The following FMNL2 variants were observed in gnomAD, a reference collection of about 807,000 sequenced individuals.
The protein encoded by FMNL2 is formin-like protein 2.
In FMNL2, 51 loss-of-function variants were observed where a neutral mutation model predicts 130.2. The ratio of observed to expected loss-of-function variants is 0.39; its 90% CI spans 0.31 to 0.49. FMNL2 has a LOEUF of 0.49. Among genes scored for constraint, FMNL2 ranks in the 20% least tolerant of loss-of-function variants. The probability of loss-of-function intolerance (pLI) is 0.85; values close to 1 mark genes in which losing one functional copy is unlikely to be tolerated. For synonymous variants in FMNL2, 465 were observed against 467.1 expected (o/e 1.00, Z 0.06); for missense variants, 977 against 1,316.2 (o/e 0.74, Z 3.99).
chr2:152,473,946 C>G (rs1689993617), intron 1 of FMNL2, among the ~76,000 whole-genome samples: 1 of 152,208 alleles, frequency 6.6e-6, no homozygotes, highest in African/African-American at 2.4e-5. Flanking sequence ...GCAATCTTGG[C>G]TCACTGCAAC....
chr2:152,646,006 C>T (rs1016011451), intron 25 of FMNL2, among the ~76,000 whole-genome samples: 5 of 152,066 alleles, frequency 3.3e-5, no homozygotes, highest in African/African-American at 1.2e-4. Flanking sequence ...TTGGGGTATG[C>T]AAAACTATTT....
At chr2:152,629,965 A>G (rs1395557759) in intron 20 of FMNL2, 60 bp downstream of exon 20, 1 of 1,466,718 alleles carries the variant, frequency 6.8e-7, no homozygotes, top group Non-Finnish European at 9.3e-7. Flanking sequence ...GCAGAGATGA[A>G]GTTAGGGTGG....
Position 152,629,916 on chromosome 2 carries a change from TAAAAG to T in FMNL2, c.2550+15_2550+19del. ...CAGAGTTTAGATCTGGTGAGTGGACTAAAAGAAATTTGAGAGCTGTTTGAAGGACA... is the reference window on the plus strand; with the variant it reads ...CAGAGTTTAGATCTGGTGAGTGGACTAAATTTGAGAGCTGTTTGAAGGACA... On this transcript the variant is annotated intron_variant, in intron 20 of 25. Coordinates refer to ENST00000288670, the MANE Select transcript of FMNL2 (RefSeq NM_052905.4). The T allele has an allele frequency of 6.3e-7, 1 of 1,595,614 alleles. No individual in the cohort carries two copies. The highest frequency in any genetic ancestry group is 1.7e-4 in the Middle Eastern group (1 of 6,036).
At chr2:152,586,480 A>G (rs1183151164) in intron 9 of FMNL2, among the ~76,000 whole-genome samples, 1 of 152,174 alleles carries the variant, frequency 6.6e-6, no homozygotes, top group Non-Finnish European at 1.5e-5. Flanking sequence ...CATCCCTCTG[A>G]GTTTAATCCC....
rs1698355526 is a variant in FMNL2, at chr2:152,606,383, G to A, written c.877-956G>A. On this transcript the variant is annotated intron_variant, in intron 9 of 25. Transcript: ENST00000288670. ...ACTTTGCCCCAAAAAAGTCAACCAA[G>A]GACATTGACAGAATTAAAGTTTGTC... Among the ~76,000 whole-genome samples the A allele has an allele frequency of 2.0e-5, 3 of 152,282 alleles. No individual in the cohort carries two copies. The South Asian group carries it at 6.2e-4, about 32-fold the overall frequency.
At chr2:152,358,794 G>GT (rs1266891456) in intron 1 of FMNL2, among the ~76,000 whole-genome samples, 1 of 152,148 alleles carries the variant, frequency 6.6e-6, no homozygotes, top group Non-Finnish European at 1.5e-5. Context: ...GTTATTACAA[G>GT]TAACGTTACA....
intron 1 of FMNL2, among the ~76,000 whole-genome samples, chr2:152,446,546 G>A (rs1442889124): frequency 2.6e-5 from 4 of 152,136 alleles, no homozygotes; most frequent in Non-Finnish European, 4.4e-5. Context: ...CATGCTCTTA[G>A]AGAAACTAAA....
At chr2:152,433,004 A>G (rs994467101) in intron 1 of FMNL2, among the ~76,000 whole-genome samples, 6 of 152,222 alleles carry the variant, frequency 3.9e-5, no homozygotes, top group South Asian at 2.1e-4. Context: ...CCTCTGCTCT[A>G]TACTAGCAGC....
intron 1 of FMNL2, among the ~76,000 whole-genome samples, chr2:152,484,780 G>C (rs1313981867): frequency 3.3e-5 from 5 of 151,868 alleles, no homozygotes; most frequent in Non-Finnish European, 7.4e-5. Context: ...AAAATGAAAA[G>C]AGAGCTATCA....
intron 25 of FMNL2, among the ~76,000 whole-genome samples, chr2:152,642,499 A>G (rs116811870): frequency 1.0e-3 from 155 of 152,338 alleles, no homozygotes; most frequent in African/African-American, 3.3e-3. Context: ...AAATGTGCCT[A>G]TTGGTATCTC....
At chr2:152,349,964 G>A (rs1682380783) in intron 1 of FMNL2, among the ~76,000 whole-genome samples, 1 of 152,204 alleles carries the variant, frequency 6.6e-6, no homozygotes. Context: ...CTGTACTGAG[G>A]TGGGATCGAT....
intron 25 of FMNL2, chr2:152,643,442 G>A (rs1328274656): frequency 6.5e-7 from 1 of 1,536,054 alleles, no homozygotes; most frequent in Non-Finnish European, 8.7e-7. Context: ...GCCCTTTACT[G>A]CTCGCACCGC....
At chr2:152,598,417 G>T (rs755509160) in intron 9 of FMNL2, among the ~76,000 whole-genome samples, 1 of 152,120 alleles carries the variant, frequency 6.6e-6, no homozygotes, top group African/African-American at 2.4e-5. Flanking sequence ...GGCTGGGTGC[G>T]GTGGCTCATG....
rs1196869492 is a variant in FMNL2 at position 152,431,365 on chromosome 2, C to T, written c.118-90578C>T. On this transcript the variant is annotated intron_variant, in intron 1 of 25. Coordinates refer to ENST00000288670, the MANE Select transcript of FMNL2 (RefSeq NM_052905.4). ...GATTATTTATCAATGTCTTAGTAACCAAAAGTTTAAAATGTGTTTTGTTTA... is the reference window on the plus strand; with the variant it reads ...GATTATTTATCAATGTCTTAGTAACTAAAAGTTTAAAATGTGTTTTGTTTA... Among the ~76,000 whole-genome samples, 3 of 152,024 alleles carry T rather than the reference C, an allele frequency of 2.0e-5. No homozygotes were observed. The South Asian group carries it at 6.2e-4, about 32-fold the overall frequency.
chr2:152,406,785 C>T (rs1475830517), intron 1 of FMNL2, among the ~76,000 whole-genome samples: 1 of 152,196 alleles, frequency 6.6e-6, no homozygotes, highest in African/African-American at 2.4e-5. Context: ...GTTTCATTTA[C>T]ATTTTGTTCT....
chr2:152,624,780 C>T (rs906649848), intron 15 of FMNL2, among the ~76,000 whole-genome samples: 2 of 152,140 alleles, frequency 1.3e-5, no homozygotes, highest in Non-Finnish European at 2.9e-5. Flanking sequence ...AAGGCTGCAG[C>T]GAGCCATGAT....
In FMNL2 at chr2:152,545,429, T is replaced by A. The variant is rs573108179; in HGVS notation, c.282+2610T>A. On this transcript the variant is annotated intron_variant, in intron 3 of 25. Transcript: ENST00000288670. Reference sequence around the variant, plus strand: ...TTAATTTGCTTTTTTTAAAAAAAAATTTTAAGCATTTTCTATTTAGATTTT... The same window carrying A: ...TTAATTTGCTTTTTTTAAAAAAAAAATTTAAGCATTTTCTATTTAGATTTT... 2.6e-4 allele frequency among the ~76,000 whole-genome samples: 40 copies of A among 152,212 alleles called. No homozygotes were observed. The East Asian group carries it at 6.7e-3, about 26-fold the overall frequency.
At chr2:152,462,397 G>T (rs1689300328) in intron 1 of FMNL2, among the ~76,000 whole-genome samples, 1 of 151,988 alleles carries the variant, frequency 6.6e-6, no homozygotes, top group Non-Finnish European at 1.5e-5. Flanking sequence ...GGAATTATAG[G>T]GGGATTTTTA....
chr2:152,629,854 T>C lies in FMNL2; in HGVS notation c.2499T>C (p.Asn833=), dbSNP rs1368478511. ...EIILALGNYM[N]SSKRGAVYGF... ...TCTTAGCCCTTGGAAACTACATGAA[T>C]AGCAGTAAAAGAGGAGCAGTTTATG... is the stretch of plus-strand genomic sequence containing the variant. The change falls in exon 20 of 26, where the codon AAT becomes AAC. Residue 833 remains asparagine (N), a synonymous_variant. Coordinates refer to ENST00000288670, the MANE Select transcript of FMNL2 (RefSeq NM_052905.4). 1.2e-6 allele frequency: 2 copies of C among 1,613,064 alleles called. No homozygotes were observed. Among genetic ancestry groups the C allele is most frequent in the Non-Finnish European group, 1.7e-6 (2 of 1,179,476 alleles).
Sources: gnomAD v4.1 joint callset for allele counts (sites outside exome capture counted in the v4.1 genomes callset) on GRCh38, gnomAD v4.1.1 for gene constraint, MANE v1.5 for transcripts, NCBI Gene and HGNC (gene_info 2026-07-23, HGNC 2026-07-21) for gene names.